Variants in TCP11L1 observed in about 807,000 individuals in gnomAD.
The protein encoded by TCP11L1 is t-complex 11 like 1, also known as T-complex protein 11-like protein 1.
Under a neutral mutation model 48.9 loss-of-function variants are expected in TCP11L1, and 28 were observed. The ratio of observed to expected loss-of-function variants is 0.57; its 90% CI spans 0.42 to 0.78. TCP11L1 has a LOEUF of 0.78. Among genes scored for constraint, TCP11L1 ranks in the 30% least tolerant of loss-of-function variants. The pLI is 0.00. For synonymous variants in TCP11L1, 204 were observed against 231.9 expected (o/e 0.88, Z 1.09); for missense variants, 505 against 613.4 (o/e 0.82, Z 1.87).
At chr11:33,065,762 G>A (rs1854596825) in intron 7 of TCP11L1, 68 bp from the exon 8 acceptor site, 1 of 1,548,040 alleles carries the variant, frequency 6.5e-7, no homozygotes, top group Non-Finnish European at 8.8e-7. Flanking sequence ...TGGGGGCTGT[G>A]GCGCTCCCGC....
intron 9 of TCP11L1, among the ~76,000 whole-genome samples, chr11:33,070,727 G>A (rs1854761892): frequency 6.6e-6 from 1 of 151,430 alleles, no homozygotes; most frequent in African/African-American, 2.4e-5. Flanking sequence ...ATAGGGCCAG[G>A]TGTGATGACT....
chr11:33,050,268 ATC>A (rs1332598163), intron 2 of TCP11L1, among the ~76,000 whole-genome samples: 4 of 152,210 alleles, frequency 2.6e-5, no homozygotes, highest in Non-Finnish European at 5.9e-5. Flanking sequence ...TAGCAGTCTG[ATC>A]TCTCTTTTCC....
intron 2 of TCP11L1, among the ~76,000 whole-genome samples, chr11:33,049,561 A>G (rs1339338168): frequency 1.3e-5 from 2 of 152,042 alleles, no homozygotes; most frequent in Non-Finnish European, 2.9e-5. Flanking sequence ...TAGTGGGGAG[A>G]GGGTCAGCAG....
chr11:33,066,115 C>T, intron 8 of TCP11L1, 104 bp downstream of exon 8: 3 of 1,415,158 alleles, frequency 2.1e-6, no homozygotes, highest in Non-Finnish European at 2.9e-6. Flanking sequence ...CAGGGCCACT[C>T]TCTAGGAACT....
rs749243310 is a variant in TCP11L1 at position 33,043,926 on chromosome 11, G to A, written c.153G>A (p.Gln51=). 3 of 1,598,748 alleles carry A rather than the reference G, an allele frequency of 1.9e-6. No homozygotes were observed. Among genetic ancestry groups the A allele is most frequent in the Non-Finnish European group, 2.6e-6 (3 of 1,175,794 alleles). ...KSDSSSPQRV[Q]RPHSSPPRFV... ...ACTCCTCCAGCCCCCAAAGAGTGCA[G>A]AGACCTCACTGTAAGCAAATTTGAC... is the stretch of plus-strand genomic sequence containing the variant. The change falls in exon 2 of 10, where the codon CAG becomes CAA. Residue 51 remains glutamine, a synonymous_variant. Coordinates refer to ENST00000334274, the MANE Select transcript of TCP11L1 (RefSeq NM_018393.4).
chr11:33,046,975 T>C (rs946047307), intron 2 of TCP11L1, among the ~76,000 whole-genome samples: 2 of 152,186 alleles, frequency 1.3e-5, no homozygotes. Flanking sequence ...ATAAGCACTT[T>C]GGGAGGCTGA....
chr11:33,065,036 A>G (rs540020170), intron 7 of TCP11L1, among the ~76,000 whole-genome samples: 1 of 152,188 alleles, frequency 6.6e-6, no homozygotes, highest in Non-Finnish European at 1.5e-5. Context: ...GGGAATTTCC[A>G]TTTGAAAACT....
chr11:33,055,794 C>T lies in TCP11L1; in HGVS notation c.296+1069C>T, dbSNP rs755103768. Among the ~76,000 whole-genome samples the T allele has an allele frequency of 3.9e-5, 6 of 152,218 alleles. 1 individual carries two copies. Among genetic ancestry groups the T allele is most frequent in the Middle Eastern group, 6.8e-3 (2 of 294 alleles). ...AGTGAAGAATTGCTTGTTTTGTGCT[C>T]AAGACAGAAAGACATTTTTATTGTT... On this transcript the variant is annotated intron_variant, in intron 3 of 9. Transcript: ENST00000334274.
At chr11:33,072,390 G>T in intron 9 of TCP11L1, 84 bp from the exon 10 acceptor site, 1 of 1,440,254 alleles carries the variant, frequency 6.9e-7, no homozygotes, top group South Asian at 1.2e-5. Context: ...CCTAAGAGGT[G>T]ATGGTTAAGC....
At chr11:33,064,256 G>A (rs1317628762) in intron 7 of TCP11L1, among the ~76,000 whole-genome samples, 1 of 152,228 alleles carries the variant, frequency 6.6e-6, no homozygotes, top group Non-Finnish European at 1.5e-5. Context: ...CTAAACTCAC[G>A]TCCTGCTGTT....
intron 2 of TCP11L1, among the ~76,000 whole-genome samples, chr11:33,052,770 CACTT>C (rs1854199285): frequency 6.6e-6 from 1 of 152,094 alleles, no homozygotes; most frequent in South Asian, 2.1e-4. Flanking sequence ...GCAGGCGGAT[CACTT>C]ACTTAAGCTC....
intron 3 of TCP11L1, 84 bp downstream of exon 3, chr11:33,054,809 A>G (rs1295656375): frequency 7.0e-7 from 1 of 1,436,196 alleles, no homozygotes; most frequent in African/African-American, 1.5e-5. Flanking sequence ...TGATACCAAT[A>G]TATTCAAACG....
chr11:33,055,750 G>A (rs1266510845), intron 3 of TCP11L1, among the ~76,000 whole-genome samples: 2 of 152,186 alleles, frequency 1.3e-5, no homozygotes, highest in Non-Finnish European at 2.9e-5. Flanking sequence ...TGCAAAGATG[G>A]TACTTTTTTG....
intron 3 of TCP11L1, 45 bp from the exon 4 acceptor site, chr11:33,057,070 A>T (rs1854330127): frequency 1.2e-6 from 2 of 1,611,800 alleles, no homozygotes; most frequent in Non-Finnish European, 1.7e-6. Flanking sequence ...TGAAACTCAA[A>T]TATTTTGGTT....
chr11:33,064,096 T>C (rs1854541538), intron 7 of TCP11L1, among the ~76,000 whole-genome samples: 1 of 152,034 alleles, frequency 6.6e-6, no homozygotes, highest in African/African-American at 2.4e-5. Context: ...AGACCTGTTC[T>C]CCAGCCTCCT....
Position 33,043,906 on chromosome 11 carries a change from T to A in TCP11L1, c.133T>A (p.Ser45Thr). 6.2e-7 allele frequency: 1 copy of A among 1,613,190 alleles called. No homozygotes were observed. The highest frequency in any genetic ancestry group is 8.5e-7 in the Non-Finnish European group (1 of 1,179,694). ...ALQKAIKSDS[S>T]SPQRVQRPHS... ...ACAAAAAGCAATAAAGTCAGACTCC[T>A]CCAGCCCCCAAAGAGTGCAGAGACC... The change falls in exon 2 of 10, where the codon TCC (serine) becomes ACC (threonine). Residue 45 changes from serine to threonine, a missense_variant. Coordinates refer to ENST00000334274, the MANE Select transcript of TCP11L1 (RefSeq NM_018393.4).
intron 1 of TCP11L1, among the ~76,000 whole-genome samples, chr11:33,043,096 G>A (rs1005651208): frequency 3.9e-5 from 6 of 152,100 alleles, no homozygotes; most frequent in Non-Finnish European, 5.9e-5. Flanking sequence ...TTAGCTGGGC[G>A]TGGTGGCACC....
chr11:33,071,522 T>C (rs1347449182), intron 9 of TCP11L1, among the ~76,000 whole-genome samples: 1 of 152,158 alleles, frequency 6.6e-6, no homozygotes, highest in Non-Finnish European at 1.5e-5. Flanking sequence ...ATCAAATCTT[T>C]TTTCATGAGG....
intron 2 of TCP11L1, among the ~76,000 whole-genome samples, chr11:33,048,078 C>T (rs1854051287): frequency 6.6e-6 from 1 of 152,166 alleles, no homozygotes; most frequent in Non-Finnish European, 1.5e-5. Flanking sequence ...GTTTCTCTAA[C>T]AGGGCATCAG....
Sources: gnomAD v4.1 joint callset for allele counts (sites outside exome capture counted in the v4.1 genomes callset) on GRCh38, gnomAD v4.1.1 for gene constraint, MANE v1.5 for transcripts, NCBI Gene and HGNC (gene_info 2026-07-23, HGNC 2026-07-21) for gene names.